Variants in NEDD4L observed in about 807,000 individuals in gnomAD.
NEDD4L encodes the protein E3 ubiquitin-protein ligase NEDD4-like.
A neutral mutation model predicts 148.9 loss-of-function variants in NEDD4L; 54 were observed. The observed-to-expected ratio is 0.36, with a 90% CI of 0.29 to 0.45. The LOEUF (loss-of-function observed/expected upper bound fraction) is 0.45. NEDD4L is among the 20% of genes least tolerant of loss of function. NEDD4L has a pLI of 1.00. For missense variants in NEDD4L, 856 were observed against 1,233.8 expected, an observed-to-expected ratio of 0.69 and a Z score of 4.59; for synonymous variants, 433 against 440.7, an observed-to-expected ratio of 0.98 and a Z score of 0.22.
chr18:58,194,457 A>G (rs182631378), intron 2 of NEDD4L, among the ~76,000 whole-genome samples: 231 of 152,358 alleles, frequency 1.5e-3, no homozygotes, highest in Admixed American at 2.2e-3. Flanking sequence ...CATTCAAGAA[A>G]AAGACCTTTT....
intron 22 of NEDD4L, among the ~76,000 whole-genome samples, chr18:58,370,036 C>T (rs548659615): frequency 6.4e-4 from 97 of 152,340 alleles, no homozygotes; most frequent in Non-Finnish European, 5.4e-4. Flanking sequence ...CCTGTCTACC[C>T]GCCCTGGCAA....
chr18:58,228,788 C>T (rs1337337908), intron 2 of NEDD4L, among the ~76,000 whole-genome samples: 1 of 152,120 alleles, frequency 6.6e-6, no homozygotes, highest in African/African-American at 2.4e-5. Context: ...CCAGGATGAG[C>T]GTTGGGGAGT....
At position 58,343,116 on chromosome 18, in the gene NEDD4L, C is replaced by T. The variant is rs747040965; in HGVS notation, c.1575+13C>T. 7.5e-5 allele frequency: 117 copies of T among 1,566,910 alleles called. No individual in the cohort carries two copies. The highest frequency in any genetic ancestry group is 9.8e-5 in the Non-Finnish European group (113 of 1,155,690). On this transcript the variant is annotated intron_variant, in intron 16 of 30. Coordinates refer to ENST00000400345, the MANE Select transcript of NEDD4L (RefSeq NM_001144967.3). ...GACTACAACCTGGGTAAGGCTGCTG[C>T]TTTTATTTGGCTCCATTTTCATCAT...
chr18:58,284,362 A>G (rs1482705750), intron 5 of NEDD4L, among the ~76,000 whole-genome samples: 1 of 152,146 alleles, frequency 6.6e-6, no homozygotes, highest in Non-Finnish European at 1.5e-5. Flanking sequence ...TTTTCCTCAA[A>G]GTAGCTTTTG....
chr18:58,103,272 A>AT (rs112285345), intron 1 of NEDD4L, among the ~76,000 whole-genome samples: 14,611 of 136,284 alleles, frequency 0.11, 2,428 homozygotes, highest in African/African-American at 0.44. Context: ...TATATATTAT[A>AT]ATTATATATA....
At chr18:58,229,346 G>T (rs1039145085) in intron 2 of NEDD4L, among the ~76,000 whole-genome samples, 1 of 152,142 alleles carries the variant, frequency 6.6e-6, no homozygotes, top group Non-Finnish European at 1.5e-5. Context: ...CGGGACATTA[G>T]TTGCTCAGGT....
At chr18:58,257,494 G>A (rs2148601002) in intron 5 of NEDD4L, among the ~76,000 whole-genome samples, 1 of 152,244 alleles carries the variant, frequency 6.6e-6, no homozygotes, top group Non-Finnish European at 1.5e-5. Flanking sequence ...AACTGATGGG[G>A]ACTCGTTAAT....
At chr18:58,131,375 T>C (rs2032115351) in intron 1 of NEDD4L, among the ~76,000 whole-genome samples, 1 of 146,268 alleles carries the variant, frequency 6.8e-6, no homozygotes, top group Admixed American at 6.8e-5. Flanking sequence ...TTGGGCTCTG[T>C]TGGGGTTTGG....
chr18:58,180,439 C>T (rs1209487010), intron 2 of NEDD4L, among the ~76,000 whole-genome samples: 1 of 152,228 alleles, frequency 6.6e-6, no homozygotes, highest in African/African-American at 2.4e-5. Flanking sequence ...GAGTCCTGCA[C>T]ATCCTGCTCT....
At chr18:58,277,165 C>G (rs893602433) in intron 5 of NEDD4L, among the ~76,000 whole-genome samples, 8 of 152,022 alleles carry the variant, frequency 5.3e-5, no homozygotes, top group African/African-American at 1.7e-4. Flanking sequence ...ATCTTGGCTT[C>G]TCTGAGCCAG....
intron 5 of NEDD4L, among the ~76,000 whole-genome samples, chr18:58,314,246 A>G (rs2058019749): frequency 6.6e-6 from 1 of 152,022 alleles, no homozygotes; most frequent in African/African-American, 2.4e-5. Context: ...GTGAAACCCC[A>G]TCTCTGCTAA....
At chr18:58,168,494 C>A (rs749514957) in intron 2 of NEDD4L, among the ~76,000 whole-genome samples, 5 of 152,230 alleles carry the variant, frequency 3.3e-5, no homozygotes, top group Non-Finnish European at 5.9e-5. Flanking sequence ...TGGGGAAGAA[C>A]CGCAAAGTGA....
At chr18:58,337,575 A>T (rs1004445152) in intron 13 of NEDD4L, among the ~76,000 whole-genome samples, 2 of 151,170 alleles carry the variant, frequency 1.3e-5, no homozygotes, top group South Asian at 4.2e-4. Context: ...ACTTTATTTT[A>T]TTTTTTTTAA....
chr18:58,275,743 G>A (rs901165493), intron 5 of NEDD4L, among the ~76,000 whole-genome samples: 1 of 152,104 alleles, frequency 6.6e-6, no homozygotes, highest in Admixed American at 6.6e-5. Flanking sequence ...GTTACCCAAC[G>A]GAGATTTGTG....
intron 5 of NEDD4L, among the ~76,000 whole-genome samples, chr18:58,278,447 G>C (rs1397302654): frequency 6.6e-6 from 1 of 152,156 alleles, no homozygotes; most frequent in Non-Finnish European, 1.5e-5. Context: ...ACCTCCAGAC[G>C]GACCCCTTCT....
chr18:58,070,170 T>A (rs2082793108), intron 1 of NEDD4L, among the ~76,000 whole-genome samples: 1 of 152,240 alleles, frequency 6.6e-6, no homozygotes, highest in African/African-American at 2.4e-5. Flanking sequence ...TTGAAAACAA[T>A]CGGTGGTAGT....
chr18:58,380,243 ATT>A (rs893369027), intron 24 of NEDD4L, among the ~76,000 whole-genome samples: 1 of 145,294 alleles, frequency 6.9e-6, no homozygotes, highest in Non-Finnish European at 1.5e-5. Flanking sequence ...CACAAAACAG[ATT>A]TTTTTTTTTA....
chr18:58,276,224 G>T (rs541381393), intron 5 of NEDD4L, among the ~76,000 whole-genome samples: 13 of 133,872 alleles, frequency 9.7e-5, no homozygotes, highest in African/African-American at 3.7e-4. Context: ...GGTGGGGAGG[G>T]GGGTGGTTTT....
chr18:58,153,239 G>A (rs377541061), intron 1 of NEDD4L, among the ~76,000 whole-genome samples: 4,282 of 151,804 alleles, frequency 0.028, 203 homozygotes, highest in African/African-American at 0.098. Context: ...CACAGTTGTA[G>A]AGGGACCTAC....
Sources: gnomAD v4.1 joint callset for allele counts (sites outside exome capture counted in the v4.1 genomes callset) on GRCh38, gnomAD v4.1.1 for gene constraint, MANE v1.5 for transcripts, NCBI Gene and HGNC (gene_info 2026-07-23, HGNC 2026-07-21) for gene names.